Variants in GRIP1 observed in about 807,000 individuals in gnomAD.
GRIP1 encodes the protein glutamate receptor interacting protein 1, also known as glutamate receptor-interacting protein 1.
A neutral mutation model predicts 129.9 loss-of-function variants in GRIP1; 45 were observed. The ratio of observed to expected loss-of-function variants is 0.35; its 90% CI spans 0.27 to 0.44. The LOEUF (loss-of-function observed/expected upper bound fraction) is 0.44, where lower values mean the gene tolerates loss of function less well. Ranked by LOEUF, GRIP1 falls within the 20% of genes least tolerant of loss-of-function variation. The pLI, the probability that GRIP1 is intolerant of heterozygous loss-of-function variation, is 1.00. For missense variants in GRIP1, 1,196 were observed against 1,396.8 expected (o/e 0.86, Z 2.29); for synonymous variants, 530 against 520.8 (o/e 1.02, Z -0.24).
At chr12:66,648,180 G>T (rs1036489382) in intron 1 of GRIP1, among the ~76,000 whole-genome samples, 1 of 127,982 alleles carries the variant, frequency 7.8e-6, no homozygotes, top group Non-Finnish European at 1.6e-5. Flanking sequence ...GCACCATCTG[G>T]CTCCACAGAT....
intron 2 of GRIP1, among the ~76,000 whole-genome samples, chr12:66,570,035 C>T (rs2092541466): frequency 6.6e-6 from 1 of 152,084 alleles, no homozygotes; most frequent in African/African-American, 2.4e-5. Context: ...TGTCTAAGAA[C>T]AACTATAAAA....
chr12:66,354,144 T>TTA (rs2054366284), intron 23 of GRIP1, among the ~76,000 whole-genome samples: 1 of 152,190 alleles, frequency 6.6e-6, no homozygotes, highest in South Asian at 2.1e-4. Flanking sequence ...GCACCTCGGC[T>TTA]TAACTCGCTC....
chr12:67,057,575 G>A (rs977053761), intron 1 of GRIP1, among the ~76,000 whole-genome samples: 1 of 152,048 alleles, frequency 6.6e-6, no homozygotes, highest in Admixed American at 6.5e-5. Flanking sequence ...CTGAGTAAAT[G>A]CAGTTATTGA....
At chr12:66,562,498 T>A (rs1237528392) in intron 2 of GRIP1, among the ~76,000 whole-genome samples, 1 of 152,216 alleles carries the variant, frequency 6.6e-6, no homozygotes, top group Non-Finnish European at 1.5e-5. Flanking sequence ...ATAATTAAAC[T>A]ATAATCTAGG....
Position 66,442,675 on chromosome 12 carries a change from G to A in GRIP1, c.1687+1909C>T, listed in dbSNP as rs182051437. 1.2e-3 allele frequency among the ~76,000 whole-genome samples: 175 copies of A among 151,966 alleles called. 2 individuals carry two copies. Among genetic ancestry groups the A allele is most frequent in the African/African-American group, 4.0e-3 (165 of 41,432 alleles). ...GCCTCTTGAGTAGCTGGGACTACAG[G>A]CATGCACCACCATGCCAGGCTAATT... is the stretch of plus-strand genomic sequence containing the variant. On this transcript the variant is annotated intron_variant, in intron 13 of 24. Coordinates refer to ENST00000359742, the MANE Select transcript of GRIP1 (RefSeq NM_001366722.1).
intron 1 of GRIP1, among the ~76,000 whole-genome samples, chr12:66,627,603 T>C (rs533258916): frequency 2.9e-4 from 44 of 152,320 alleles, no homozygotes; most frequent in Non-Finnish European, 4.9e-4. Flanking sequence ...TATCTGAGGA[T>C]ACGTCTTTCC....
At chr12:66,908,162 C>T (rs995994171) in intron 1 of GRIP1, among the ~76,000 whole-genome samples, 5 of 151,912 alleles carry the variant, frequency 3.3e-5, no homozygotes, top group Non-Finnish European at 7.4e-5. Context: ...TTCTAAATGT[C>T]CTAGTCTTGG....
At chr12:66,707,874 G>A (rs1004368369) in intron 1 of GRIP1, among the ~76,000 whole-genome samples, 4 of 151,932 alleles carry the variant, frequency 2.6e-5, no homozygotes, top group South Asian at 2.1e-4. Context: ...GTCATTAAAC[G>A]TACATTTGAA....
chr12:66,709,642 T>G (rs2035649378), intron 1 of GRIP1, among the ~76,000 whole-genome samples: 1 of 151,896 alleles, frequency 6.6e-6, no homozygotes, highest in African/African-American at 2.4e-5. Context: ...GTGTTACCTT[T>G]CAAAGGCTGA....
Position 66,390,122 on chromosome 12 carries a change from A to G in GRIP1, c.2464+2186T>C, listed in dbSNP as rs575860480. Among the ~76,000 whole-genome samples, 7 of 152,276 alleles carry G rather than the reference A, an allele frequency of 4.6e-5. No individual in the cohort carries two copies. In the South Asian group the frequency reaches 1.5e-3, roughly 32 times the overall value. On this transcript the variant is annotated intron_variant, in intron 19 of 24. Transcript: ENST00000359742. The stretch of plus-strand genomic sequence containing the variant: ...ATGGGGGGCTGCCTCAGCACAAGGA[A>G]CAACCTGTCACCTTGGGCATTCAAG...
intron 1 of GRIP1, among the ~76,000 whole-genome samples, chr12:66,741,445 T>C (rs906762234): frequency 6.6e-6 from 1 of 152,162 alleles, no homozygotes; most frequent in African/African-American, 2.4e-5. Flanking sequence ...AAGATCGGCA[T>C]TCAGAAAGTT....
chr12:66,961,920 A>G (rs1173756680), intron 1 of GRIP1, among the ~76,000 whole-genome samples: 1 of 152,180 alleles, frequency 6.6e-6, no homozygotes, highest in African/African-American at 2.4e-5. Context: ...TGTATTTCAA[A>G]AGGGTGGATT....
At chr12:66,823,627 C>T (rs555172119) in intron 1 of GRIP1, among the ~76,000 whole-genome samples, 2 of 152,168 alleles carry the variant, frequency 1.3e-5, no homozygotes, top group South Asian at 2.1e-4. Flanking sequence ...AAATCAGAGA[C>T]ATTTAATAGA....
intron 1 of GRIP1, among the ~76,000 whole-genome samples, chr12:66,994,327 G>T (rs530217319): frequency 1.3e-5 from 2 of 151,704 alleles, no homozygotes; most frequent in Non-Finnish European, 2.9e-5. Flanking sequence ...GAAACGCAAA[G>T]TTGATTCAAT....
At chr12:66,559,819 A>C (rs1234634009) in intron 2 of GRIP1, among the ~76,000 whole-genome samples, 1 of 152,134 alleles carries the variant, frequency 6.6e-6, no homozygotes, top group Non-Finnish European at 1.5e-5. Flanking sequence ...TAGAAAAAAC[A>C]ATCCTAAAAT....
At chr12:66,529,751 CA>C in intron 5 of GRIP1, 79 bp downstream of exon 5, 2 of 845,852 alleles carry the variant, frequency 2.4e-6, no homozygotes, top group South Asian at 2.7e-5. Context: ...TTCATGTAAC[CA>C]AATACCCAAA....
intron 1 of GRIP1, among the ~76,000 whole-genome samples, chr12:66,879,616 A>G (rs2137184704): frequency 6.6e-6 from 1 of 152,264 alleles, no homozygotes; most frequent in Non-Finnish European, 1.5e-5. Flanking sequence ...GAAGCTGAAC[A>G]GCAAAGGAGG....
chr12:67,010,633 T>C (rs1412311158), intron 1 of GRIP1, among the ~76,000 whole-genome samples: 1 of 152,056 alleles, frequency 6.6e-6, no homozygotes, highest in Non-Finnish European at 1.5e-5. Context: ...TAAAGATGAT[T>C]AGCCAGAAGA....
chr12:66,943,969 A>G (rs569722200), intron 1 of GRIP1, among the ~76,000 whole-genome samples: 26 of 152,334 alleles, frequency 1.7e-4, no homozygotes, highest in African/African-American at 6.3e-4. Flanking sequence ...TATTCTTTAA[A>G]TCTATCATCT....
Sources: allele counts gnomAD v4.1 joint callset (sites outside exome capture counted in the v4.1 genomes callset), GRCh38; gene constraint gnomAD v4.1.1; transcripts MANE v1.5; gene names NCBI Gene and HGNC (gene_info 2026-07-23, HGNC 2026-07-21).